Variants in BPTF observed in about 807,000 individuals in gnomAD.
BPTF encodes nucleosome-remodeling factor subunit BPTF.
A neutral mutation model predicts 292.5 loss-of-function variants in BPTF; 18 were observed. That is an observed-to-expected ratio of 0.06 (90% CI 0.04 to 0.09). The LOEUF (loss-of-function observed/expected upper bound fraction) is 0.09. Among genes scored for constraint, BPTF ranks in the 10% least tolerant of loss-of-function variants. BPTF has a pLI of 1.00. For missense variants in BPTF, 2,726 were observed against 3,498.7 expected, an observed-to-expected ratio of 0.78 and a Z score of 5.57; for synonymous variants, 1,225 against 1,251.9, an observed-to-expected ratio of 0.98 and a Z score of 0.45.
At chr17:67,826,673 A>G (rs2056094221) in intron 1 of BPTF, among the ~76,000 whole-genome samples, 1 of 147,712 alleles carries the variant, frequency 6.8e-6, no homozygotes, top group Admixed American at 6.9e-5. Flanking sequence ...ACACATATCC[A>G]TTGCATTCAT....
At chr17:67,850,902 A>G (rs1203410324) in intron 1 of BPTF, among the ~76,000 whole-genome samples, 3 of 152,222 alleles carry the variant, frequency 2.0e-5, no homozygotes, top group African/African-American at 4.8e-5. Flanking sequence ...ACACACACAC[A>G]ATACCTTTAA....
intron 1 of BPTF, 25 bp from the exon 2 acceptor site, chr17:67,853,915 A>G (rs1347144711): frequency 6.4e-7 from 1 of 1,560,430 alleles, no homozygotes; most frequent in Admixed American, 1.8e-5. Context: ...ATTGATTTGT[A>G]ATGATGTCAC....
chr17:67,880,139 C>A (rs916497718), intron 4 of BPTF, among the ~76,000 whole-genome samples: 2 of 151,928 alleles, frequency 1.3e-5, no homozygotes, highest in Non-Finnish European at 2.9e-5. Context: ...GGTCTATACT[C>A]GCTCTATTTT....
intron 27 of BPTF, among the ~76,000 whole-genome samples, chr17:67,979,929 T>G (rs1344880108): frequency 1.9e-4 from 29 of 151,782 alleles, no homozygotes; most frequent in Admixed American, 1.8e-3. Flanking sequence ...AAGTCTCAGC[T>G]ACTTGGGAGG....
intron 1 of BPTF, among the ~76,000 whole-genome samples, chr17:67,844,474 C>A (rs1395970266): frequency 1.3e-5 from 2 of 151,758 alleles, no homozygotes; most frequent in Non-Finnish European, 2.9e-5. Flanking sequence ...GTCTCGATCT[C>A]CTGACCTCGT....
chr17:67,949,178 C>T (rs1555677039), intron 23 of BPTF, among the ~76,000 whole-genome samples: 1 of 152,120 alleles, frequency 6.6e-6, no homozygotes, highest in South Asian at 2.1e-4. Flanking sequence ...TCAGCCTAGG[C>T]AACATGGCAA....
chr17:67,971,866 T>C (rs1268858451), intron 26 of BPTF, among the ~76,000 whole-genome samples: 1 of 151,864 alleles, frequency 6.6e-6, no homozygotes, highest in Non-Finnish European at 1.5e-5. Context: ...AATTACACGT[T>C]AGCAAATTGA....
In BPTF at chr17:67,909,733, C is replaced by G; in HGVS notation, c.2964C>G (p.Ile988Met). 3 of 1,578,622 alleles carry G rather than the reference C, an allele frequency of 1.9e-6. No individual in the cohort carries two copies. The highest frequency in any genetic ancestry group is 2.4e-5 in the South Asian group (2 of 82,188). The change falls in exon 10 of 28, where the codon ATC becomes ATG. Residue 988 changes from isoleucine to methionine, a missense_variant. Ile to Met is a conservative substitution (Grantham distance 10). Around this residue, in one of 22 missense-constraint regions of BPTF, gnomAD observed 713 missense variants for 714.9 expected, o/e 1.00. Transcript: ENST00000306378. ...GAGCAGACCAAAATGAAATGGATATCTCAAAGATTACTGAGAAGAAGGACC... is the reference window on the plus strand; with the variant it reads ...GAGCAGACCAAAATGAAATGGATATGTCAAAGATTACTGAGAAGAAGGACC... ...AKGADQNEMD[I>M]SKITEKKDQD... is the part of the protein sequence containing the mutation.
Position 67,945,961 on chromosome 17 carries a change from C to T in BPTF, c.7253C>T (p.Pro2418Leu). The T allele has an allele frequency of 1.2e-6, 2 of 1,614,152 alleles. No individual in the cohort carries two copies. Among genetic ancestry groups the T allele is most frequent in the Non-Finnish European group, 1.7e-6 (2 of 1,180,044 alleles). ...QTLNQVTVSS[P>L]SRPQLQIQQP... ...TTAAATCAAGTTACTGTTTCATCCCCATCCCGTCCTCAGCTACAAATACAG... is the reference window on the plus strand; with the variant it reads ...TTAAATCAAGTTACTGTTTCATCCCTATCCCGTCCTCAGCTACAAATACAG... The change falls in exon 21 of 28, where the codon CCA becomes CTA. Residue 2418 changes from proline to leucine, a missense_variant. Around this residue, in one of 22 missense-constraint regions of BPTF, gnomAD observed 570 missense variants for 633.5 expected, o/e 0.90. Coordinates refer to ENST00000306378, the MANE Select transcript of BPTF (RefSeq NM_182641.4).
chr17:67,938,554 GA>G (rs2065108514), intron 18 of BPTF, among the ~76,000 whole-genome samples: 1 of 152,196 alleles, frequency 6.6e-6, no homozygotes, highest in Non-Finnish European at 1.5e-5. Flanking sequence ...TTATATGTGG[GA>G]ATTGGCTGCA....
At chr17:67,871,809 TTTG>T (rs1455485037) in intron 3 of BPTF, among the ~76,000 whole-genome samples, 3 of 152,114 alleles carry the variant, frequency 2.0e-5, no homozygotes, top group African/African-American at 4.8e-5. Flanking sequence ...TCTTTTTCTT[TTTG>T]TTGTTGTTGT....
At chr17:67,874,465 C>T (rs2059936672) in intron 3 of BPTF, among the ~76,000 whole-genome samples, 1 of 152,150 alleles carries the variant, frequency 6.6e-6, no homozygotes, top group South Asian at 2.1e-4. Flanking sequence ...GTGTGCTGCC[C>T]AGACTGTGGG....
intron 4 of BPTF, among the ~76,000 whole-genome samples, chr17:67,890,507 G>A (rs2061040473): frequency 6.6e-6 from 1 of 152,214 alleles, no homozygotes; most frequent in African/African-American, 2.4e-5. Flanking sequence ...AAAGGATGCT[G>A]AGAGGATTGA....
At chr17:67,885,465 C>A (rs2146070102) in intron 4 of BPTF, among the ~76,000 whole-genome samples, 1 of 152,296 alleles carries the variant, frequency 6.6e-6, no homozygotes, top group African/African-American at 2.4e-5. Context: ...GTGCACCTGA[C>A]TGTAGTCCCA....
In BPTF at chr17:67,940,429, G is replaced by GT. The variant is rs782524127; in HGVS notation, c.6260-7dup. Reference sequence around the variant, plus strand: ...GTATAAGCATTCATAATGTTTTGCTGTTTGGGTAGGTGCTCCTCAGCAAGT... The same window carrying GT: ...GTATAAGCATTCATAATGTTTTGCTGTTTTGGGTAGGTGCTCCTCAGCAAGT... On this transcript the variant is annotated splice_polypyrimidine_tract_variant and intron_variant, in intron 18 of 27. Transcript: ENST00000306378. 6.2e-7 allele frequency: 1 copy of GT among 1,613,340 alleles called. No homozygotes were observed. Among genetic ancestry groups the GT allele is most frequent in the Non-Finnish European group, 8.5e-7 (1 of 1,179,546 alleles).
At position 67,911,644 on chromosome 17, in the gene BPTF, C is replaced by CATT. The variant is rs1377976496; in HGVS notation, c.3761_3763dup (p.His1254_Ser1255insTyr). ...TGTTTCTTCTTCCAAGAGTGCTTTA[C>CATT]ATTCATCAGTGCCTAAAAGTACCAA... is the stretch of plus-strand genomic sequence containing the variant. On this transcript the variant is annotated inframe_insertion, in exon 11 of 28. Coordinates refer to ENST00000306378, the MANE Select transcript of BPTF (RefSeq NM_182641.4). 14 of 1,614,064 alleles carry CATT rather than the reference C, an allele frequency of 8.7e-6. No individual in the cohort carries two copies. The highest frequency in any genetic ancestry group is 1.2e-5 in the Non-Finnish European group (14 of 1,180,042).
At chr17:67,863,253 C>T (rs2059191147) in intron 2 of BPTF, among the ~76,000 whole-genome samples, 1 of 152,158 alleles carries the variant, frequency 6.6e-6, no homozygotes. Context: ...AGACACATCA[C>T]TCCAGTTGCT....
intron 7 of BPTF, among the ~76,000 whole-genome samples, chr17:67,901,345 G>A (rs9900309): frequency 0.079 from 11,780 of 149,686 alleles, 1,561 homozygotes; most frequent in African/African-American, 0.27. Context: ...AAAAGAAAAC[G>A]TCAATAAGAA....
At chr17:67,962,842 A>C (rs1286279192) in intron 24 of BPTF, among the ~76,000 whole-genome samples, 1 of 152,156 alleles carries the variant, frequency 6.6e-6, no homozygotes, top group Non-Finnish European at 1.5e-5. Context: ...CTTGTAGTGT[A>C]ACTTCTACTT....
Sources: allele counts gnomAD v4.1 joint callset (sites outside exome capture counted in the v4.1 genomes callset), GRCh38; gene constraint gnomAD v4.1.1; regional missense constraint gnomAD v4.1.1; transcripts MANE v1.5; gene names NCBI Gene and HGNC (gene_info 2026-07-23, HGNC 2026-07-21).